Variants in TBC1D21 observed in about 807,000 individuals in gnomAD.
TBC1D21 encodes the protein male germ cell Rab GTPase-activating protein.
TBC1D21 carries 38 observed loss-of-function variants against 46.0 expected under a neutral mutation model. That is an observed-to-expected ratio of 0.83 (90% CI 0.64 to 1.08). The LOEUF is 1.08. TBC1D21 is among the 50% of genes least tolerant of loss of function. TBC1D21 has a pLI of 0.00. For synonymous variants in TBC1D21, 151 were observed against 157.2 expected (o/e 0.96, Z 0.29); for missense variants, 415 against 417.9 (o/e 0.99, Z 0.06).
chr15:73,886,727 C>T (rs922937950), intron 8 of TBC1D21, 115 bp downstream of exon 8: 127 of 1,005,844 alleles, frequency 1.3e-4, no homozygotes, highest in African/African-American at 2.9e-4. Flanking sequence ...TTCAGTATCT[C>T]GGGGTTTTGT....
intron 3 of TBC1D21, among the ~76,000 whole-genome samples, chr15:73,882,886 C>G (rs556820523): frequency 6.6e-6 from 1 of 152,326 alleles, no homozygotes; most frequent in African/African-American, 2.4e-5. Context: ...GCACTTGGTC[C>G]CACAGTAGTG....
intron 4 of TBC1D21, 56 bp downstream of exon 4, chr15:73,884,301 GC>G (rs1171925556): frequency 6.7e-7 from 1 of 1,491,826 alleles, no homozygotes; most frequent in Non-Finnish European, 9.4e-7. Flanking sequence ...AGCCAACCCT[GC>G]CCCCTTCTCA....
chr15:73,874,242 CT>C (rs1251520956), intron 1 of TBC1D21, among the ~76,000 whole-genome samples: 1 of 152,192 alleles, frequency 6.6e-6, no homozygotes, highest in Non-Finnish European at 1.5e-5. Flanking sequence ...TTTAGCCAAT[CT>C]TAAGTCTCAT....
chr15:73,887,975 C>T (rs1203370726), intron 9 of TBC1D21, among the ~76,000 whole-genome samples: 2 of 152,222 alleles, frequency 1.3e-5, no homozygotes, highest in Admixed American at 1.3e-4. Context: ...ATCATCACCC[C>T]TAGTTAACAC....
chr15:73,901,529 T>G, the TBC1D21 span, among the ~76,000 whole-genome samples: 1 of 152,262 alleles, frequency 6.6e-6, no homozygotes, highest in Admixed American at 6.5e-5. Context: ...CTTGGTGGCT[T>G]AACGTAATGC....
At position 73,884,234 on chromosome 15, in the gene TBC1D21, G is replaced by T. The variant is rs142388512; in HGVS notation, c.356G>T (p.Arg119Leu). ...ENLHRNFTETRNNIARDIQKI... is the reference protein window; with the variant it reads ...ENLHRNFTETLNNIARDIQKI... ...CTGCACCGGAACTTCACAGAGACTC[G>T]CAATAACATTGGTGAGCAAAGTGGG... The change falls in exon 4 of 11, where the codon CGC becomes CTC. Residue 119 changes from arginine to leucine, a missense_variant. Coordinates refer to ENST00000300504, the MANE Select transcript of TBC1D21 (RefSeq NM_153356.3). 2.5e-6 allele frequency: 4 copies of T among 1,614,162 alleles called. No individual in the cohort carries two copies. Among genetic ancestry groups the T allele is most frequent in the Admixed American group, 3.3e-5 (2 of 60,032 alleles).
intron 3 of TBC1D21, 26 bp from the exon 4 acceptor site, chr15:73,884,125 G>T (rs762053649): frequency 6.2e-7 from 1 of 1,600,522 alleles, no homozygotes; most frequent in Non-Finnish European, 8.6e-7. Context: ...AAGCCACCTT[G>T]TTCAGCCTCA....
the TBC1D21 span, among the ~76,000 whole-genome samples, chr15:73,894,763 A>G: frequency 6.6e-6 from 1 of 152,184 alleles, no homozygotes; most frequent in Non-Finnish European, 1.5e-5. Flanking sequence ...CTTTCTCTGG[A>G]CCAGCCCCCA....
intron 1 of TBC1D21, among the ~76,000 whole-genome samples, chr15:73,879,921 A>G (rs1038652802): frequency 5.3e-5 from 8 of 151,592 alleles, no homozygotes; most frequent in African/African-American, 1.9e-4. Context: ...TATTATTATT[A>G]TTATGTGCTC....
the TBC1D21 span, among the ~76,000 whole-genome samples, chr15:73,898,880 A>AAAAAAAAAAAATATAT: frequency 1.1e-4 from 6 of 56,798 alleles, no homozygotes; most frequent in East Asian, 1.5e-3. Context: ...AAAAAAAAAA[A>AAAAAAAAAAAATATAT]ATATATATAT....
At chr15:73,878,988 A>T (rs1041291583) in intron 1 of TBC1D21, among the ~76,000 whole-genome samples, 3 of 152,210 alleles carry the variant, frequency 2.0e-5, no homozygotes, top group Non-Finnish European at 4.4e-5. Context: ...TGGGGAACAC[A>T]TCAGGGCAGA....
intron 9 of TBC1D21, 77 bp downstream of exon 9, chr15:73,887,813 C>G: frequency 7.7e-7 from 1 of 1,291,566 alleles, no homozygotes; most frequent in Non-Finnish European, 1.1e-6. Context: ...GCTGAAAGAC[C>G]GGGGTTCATG....
chr15:73,905,146 C>T, the TBC1D21 span, among the ~76,000 whole-genome samples: 1 of 152,200 alleles, frequency 6.6e-6, no homozygotes. Context: ...CTCCCACGCC[C>T]TCTAGCCCCA....
the TBC1D21 span, among the ~76,000 whole-genome samples, chr15:73,894,961 C>T: frequency 4.6e-5 from 7 of 152,210 alleles, no homozygotes; most frequent in Admixed American, 3.9e-4. Context: ...GGAAGAGATT[C>T]ACAACCAGAA....
Position 73,888,461 on chromosome 15 carries a change from A to C in TBC1D21, c.926A>C (p.Asp309Ala), listed in dbSNP as rs753686314. The change falls in exon 10 of 11, where the codon GAT becomes GCT. Residue 309 changes from aspartate (D) to alanine (A), a missense_variant. Physicochemically the swap from Asp to Ala is moderately radical, Grantham distance 126 (BLOSUM62 -2). Coordinates refer to ENST00000300504, the MANE Select transcript of TBC1D21 (RefSeq NM_153356.3). ...ACNNLIDLDADELISAACVVY... is the reference protein window; with the variant it reads ...ACNNLIDLDAAELISAACVVY... ...AACAACCTCATCGACCTTGATGCTG[A>C]TGAGCTGATCTCTGCCGCCTGCGTG... 9 of 1,613,996 alleles carry C rather than the reference A, an allele frequency of 5.6e-6. No homozygotes were observed. In the Admixed American group the frequency reaches 1.5e-4, roughly 27 times the overall value.
chr15:73,908,987 G>A, the TBC1D21 span, among the ~76,000 whole-genome samples: 1 of 152,366 alleles, frequency 6.6e-6, no homozygotes, highest in East Asian at 1.9e-4. Flanking sequence ...CTCACTAGCT[G>A]TGTGACCTTG....
chr15:73,882,203 A>G (rs2068168541), intron 3 of TBC1D21, among the ~76,000 whole-genome samples: 1 of 151,820 alleles, frequency 6.6e-6, no homozygotes, highest in South Asian at 2.1e-4. Flanking sequence ...AAGGTACAAA[A>G]CCCAGTATGG....
In TBC1D21 at chr15:73,876,218, T is replaced by G. The variant is rs1233286749; in HGVS notation, c.60+2449T>G. ...TTGTGGGTTTTTTTTTTTTTTTTTTTTTTTTTTTTTTTTTTTTTTTTTTTT... is the reference window on the plus strand; with the variant it reads ...TTGTGGGTTTTTTTTTTTTTTTTTTGTTTTTTTTTTTTTTTTTTTTTTTTT... On this transcript the variant is annotated intron_variant, in intron 1 of 10. Coordinates refer to ENST00000300504, the MANE Select transcript of TBC1D21 (RefSeq NM_153356.3). Among the ~76,000 whole-genome samples the G allele has an allele frequency of 2.0e-3, 85 of 43,042 alleles. 9 individuals carry two copies. The highest frequency in any genetic ancestry group is 0.012 in the East Asian group (8 of 648). The allele number at this position is 43,042 out of a possible 152,430, so 28.2% of individuals were successfully genotyped here. A position where few individuals can be genotyped will look rare whatever the true frequency, so the allele number is the denominator to read the frequency against.
the TBC1D21 span, among the ~76,000 whole-genome samples, chr15:73,899,684 T>A: frequency 9.9e-5 from 15 of 152,050 alleles, no homozygotes; most frequent in African/African-American, 3.4e-4. Context: ...GGTGTGTGTA[T>A]GAACGCTAAA....
Sources: gnomAD v4.1 joint callset for allele counts (sites outside exome capture counted in the v4.1 genomes callset) on GRCh38, gnomAD v4.1.1 for gene constraint, MANE v1.5 for transcripts, NCBI Gene and HGNC (gene_info 2026-07-23, HGNC 2026-07-21) for gene names.